ZNF83: variants seen among roughly 807,000 people sequenced by gnomAD.
ZNF83 encodes the protein zinc finger protein 83, also known as zinc finger protein 816B.
For synonymous variants in ZNF83, 209 were observed against 213.0 expected, an observed-to-expected ratio of 0.98 and a Z score of 0.17; for missense variants, 552 against 629.9, an observed-to-expected ratio of 0.88 and a Z score of 1.32.
At position 52,679,034 on chromosome 19, in the gene ZNF83, C is replaced by T. The variant is rs532608343; in HGVS notation, c.-283+11409G>A. Among the ~76,000 whole-genome samples, 6 of 152,090 alleles carry T rather than the reference C, an allele frequency of 3.9e-5. No individual in the cohort carries two copies. In the South Asian group the frequency reaches 1.2e-3, roughly 32 times the overall value. ...GGATTTCATTCAACCTCACAAGCTC[C>T]CTTAATAAGATTGATGAAAACCATA... is the stretch of plus-strand genomic sequence containing the variant. On this transcript the variant is annotated intron_variant, in intron 1 of 5. Coordinates refer to the ZNF83 transcript ENST00000594682.
exon 3 of ZNF83, chr19:52,613,125 AGT>A: frequency 6.2e-7 from 1 of 1,614,086 alleles, no homozygotes; most frequent in Non-Finnish European, 8.5e-7. Flanking sequence ...GTTTCTCTCC[AGT>A]GTGGATCGCA....
At chr19:52,615,309 C>A (rs1243152140) in intron 2 of ZNF83, among the ~76,000 whole-genome samples, 1 of 148,318 alleles carries the variant, frequency 6.7e-6, no homozygotes, top group Non-Finnish European at 1.5e-5. Context: ...TATGTTATTG[C>A]AAGTGGGGAC....
chr19:52,687,616 G>GTATATATATAATGTATA lies in ZNF83; in HGVS notation c.-283+2826_-283+2827insTATACATTATATATATA, dbSNP rs2062062067. 1.9e-4 allele frequency among the ~76,000 whole-genome samples: 3 copies of GTATATATATAATGTATA among 15,824 alleles called. 1 individual carries two copies. The highest frequency in any genetic ancestry group is 1.4e-3 in the African/African-American group (3 of 2,194). 10.4% of individuals were successfully genotyped at this position (15,824 alleles called of 152,430 possible). The stretch of plus-strand genomic sequence containing the variant: ...TATATAATGTATATATATATAATGT[G>GTATATATATAATGTATA]TATATATATATATAATGTATATATA... On this transcript the variant is annotated intron_variant, in intron 1 of 5. Coordinates refer to the ZNF83 transcript ENST00000594682.
At chr19:52,665,978 G>A (rs975094334) in intron 1 of ZNF83, among the ~76,000 whole-genome samples, 1 of 149,666 alleles carries the variant, frequency 6.7e-6, no homozygotes, top group African/African-American at 2.5e-5. Flanking sequence ...GGCTAACAGT[G>A]AAACCCCGTC....
chr19:52,641,959 A>C (rs988549790), upstream of ZNF83, among the ~76,000 whole-genome samples: 2 of 152,218 alleles, frequency 1.3e-5, no homozygotes, highest in African/African-American at 4.8e-5. Context: ...TCACAGGTAG[A>C]TAATAAATTA....
At chr19:52,625,324 G>GGTTTCCCCCCTATGCAA (rs1418754184) in intron 2 of ZNF83, among the ~76,000 whole-genome samples, 3 of 152,024 alleles carry the variant, frequency 2.0e-5, no homozygotes, top group African/African-American at 7.3e-5. Flanking sequence ...GGCTGAAAGA[G>GGTTTCCCCCCTATGCAA]GTTTCCCCCC....
rs181266818 is a variant in ZNF83 at position 52,617,850 on chromosome 19, T to C, written c.-233-3053A>G. The C allele has an allele frequency of 9.1e-4, 138 of 152,420 alleles. 2 individuals carry two copies. The highest frequency in any genetic ancestry group is 2.2e-4 in the Non-Finnish European group (15 of 68,020). 9.4% of individuals were successfully genotyped at this position (152,420 alleles called of 1,614,324 possible). The stretch of plus-strand genomic sequence containing the variant: ...GAAAGAGACTCCTGCTTATAAAAAG[T>C]AGGAAACATGACATGTTGGAAGTTT... On this transcript the variant is annotated intron_variant, in intron 2 of 2. Coordinates refer to ENST00000301096, the Ensembl canonical transcript of ZNF83.
At chr19:52,654,411 A>G in intron 3 of ZNF83, 1 of 1,084,014 alleles carries the variant, frequency 9.2e-7, no homozygotes, top group African/African-American at 1.6e-5. Context: ...TATCTAAAAA[A>G]TATAAAGACC....
At chr19:52,639,122 G>C (rs2061249089), upstream of ZNF83, among the ~76,000 whole-genome samples, 1 of 152,130 alleles carries the variant, frequency 6.6e-6, no homozygotes, top group Admixed American at 6.6e-5. Flanking sequence ...TGTTTCTTGA[G>C]ATGGAGTTTT....
At chr19:52,684,627 T>G (rs1359929631) in intron 1 of ZNF83, among the ~76,000 whole-genome samples, 1 of 149,288 alleles carries the variant, frequency 6.7e-6, no homozygotes, top group African/African-American at 2.5e-5. Context: ...CTGAGTAACG[T>G]GATAGAGACT....
chr19:52,636,225 G>C (rs929521374), intron 1 of ZNF83: 1 of 152,066 alleles, frequency 6.6e-6, no homozygotes, highest in Non-Finnish European at 1.5e-5. Context: ...TGACGTAGGA[G>C]GATTACTTGA....
chr19:52,626,402 C>T (rs529458035), intron 2 of ZNF83, among the ~76,000 whole-genome samples: 9 of 152,272 alleles, frequency 5.9e-5, no homozygotes, highest in African/African-American at 7.2e-5. Context: ...ATTGTTTTTA[C>T]GTAAATCAGT....
At chr19:52,626,103 T>C (rs2060727165) in intron 2 of ZNF83, among the ~76,000 whole-genome samples, 1 of 152,018 alleles carries the variant, frequency 6.6e-6, no homozygotes, top group African/African-American at 2.4e-5. Context: ...CCACTCATGA[T>C]ACCAAACAGA....
At chr19:52,612,380 A>C (rs1401063093) in exon 3 of ZNF83, 1 of 152,106 alleles carries the variant, frequency 6.6e-6, no homozygotes, top group Admixed American at 6.6e-5. Flanking sequence ...GATTCACTAC[A>C]TTTGCCTGGT....
intron 2 of ZNF83, among the ~76,000 whole-genome samples, chr19:52,631,247 C>G (rs1443770513): frequency 1.3e-5 from 2 of 151,998 alleles, no homozygotes; most frequent in Admixed American, 6.6e-5. Flanking sequence ...CCCTGCTGAT[C>G]GTGTCCAATT....
chr19:52,687,473 T>TA (rs1217502859), intron 1 of ZNF83, among the ~76,000 whole-genome samples: 1 of 69,168 alleles, frequency 1.4e-5, no homozygotes, highest in Non-Finnish European at 2.7e-5. Context: ...ATAATTTATA[T>TA]ATCTATATAA....
At chr19:52,631,532 G>A (rs1201922507) in intron 2 of ZNF83, among the ~76,000 whole-genome samples, 1 of 152,102 alleles carries the variant, frequency 6.6e-6, no homozygotes, top group Admixed American at 6.5e-5. Context: ...CCTCATACCT[G>A]ATGCATATAC....
intron 2 of ZNF83, among the ~76,000 whole-genome samples, chr19:52,620,710 C>A (rs969372210): frequency 6.6e-6 from 1 of 152,214 alleles, no homozygotes; most frequent in Non-Finnish European, 1.5e-5. Flanking sequence ...CAAGTCTGCA[C>A]GTATACATCC....
chr19:52,665,290 C>T (rs1172966550), intron 1 of ZNF83, among the ~76,000 whole-genome samples: 1 of 151,962 alleles, frequency 6.6e-6, no homozygotes, highest in Admixed American at 6.6e-5. Context: ...GTGGTGGGAG[C>T]CAGGAGTCCC....
Sources: allele counts gnomAD v4.1 joint callset (sites outside exome capture counted in the v4.1 genomes callset), GRCh38; gene constraint gnomAD v4.1.1; transcripts MANE v1.5; gene names NCBI Gene and HGNC (gene_info 2026-07-23, HGNC 2026-07-21).